RAPGEF2: variants seen among roughly 807,000 people sequenced by gnomAD.
The protein encoded by RAPGEF2 is Rap guanine nucleotide exchange factor 2.
A neutral mutation model predicts 186.7 loss-of-function variants in RAPGEF2; 54 were observed. That is an observed-to-expected ratio of 0.29 (90% CI 0.23 to 0.36). The LOEUF (loss-of-function observed/expected upper bound fraction) is 0.36. Ranked by LOEUF, RAPGEF2 falls within the 10% of genes least tolerant of loss-of-function variation. The probability of loss-of-function intolerance (pLI) is 1.00; values close to 1 mark genes in which losing one functional copy is unlikely to be tolerated. For missense variants in RAPGEF2, 1,532 were observed against 2,045.0 expected, an observed-to-expected ratio of 0.75 and a Z score of 4.84; for synonymous variants, 712 against 705.9, an observed-to-expected ratio of 1.01 and a Z score of -0.14.
At chr4:159,245,652 A>G (rs1754542146) in intron 7 of RAPGEF2, among the ~76,000 whole-genome samples, 1 of 152,066 alleles carries the variant, frequency 6.6e-6, no homozygotes, top group South Asian at 2.1e-4. Flanking sequence ...TCTGAATTCC[A>G]TATTAAAAAT....
At chr4:159,295,754 T>C (rs10024829) in intron 7 of RAPGEF2, among the ~76,000 whole-genome samples, 33,576 of 112,586 alleles carry the variant, frequency 0.3, 4,619 homozygotes, top group Non-Finnish European at 0.39. Flanking sequence ...TGTGTGTGTG[T>C]GCGCGCGCGC....
At chr4:159,213,409 G>C (rs1210451740) in intron 4 of RAPGEF2, among the ~76,000 whole-genome samples, 2 of 152,216 alleles carry the variant, frequency 1.3e-5, no homozygotes, top group East Asian at 1.9e-4. Context: ...TTGGTTATCA[G>C]TATATAATAA....
chr4:159,105,762 G>A (rs1737800751), intron 1 of RAPGEF2, among the ~76,000 whole-genome samples: 1 of 152,204 alleles, frequency 6.6e-6, no homozygotes, highest in Non-Finnish European at 1.5e-5. Context: ...CAGTGTGAAG[G>A]AAAAGCAGAT....
At chr4:159,237,370 A>G (rs1018604702) in intron 4 of RAPGEF2, among the ~76,000 whole-genome samples, 1 of 152,176 alleles carries the variant, frequency 6.6e-6, no homozygotes, top group African/African-American at 2.4e-5. Context: ...TCAGATAATT[A>G]TTATTAAGGA....
intron 9 of RAPGEF2, among the ~76,000 whole-genome samples, chr4:159,319,010 G>C (rs998411346): frequency 1.3e-5 from 2 of 152,042 alleles, no homozygotes; most frequent in African/African-American, 4.8e-5. Flanking sequence ...AAAGAAAATT[G>C]TCCTGTTTCT....
intron 1 of RAPGEF2, among the ~76,000 whole-genome samples, chr4:159,130,044 A>T (rs1490107098): frequency 6.6e-6 from 1 of 152,192 alleles, no homozygotes; most frequent in Non-Finnish European, 1.5e-5. Flanking sequence ...ATTTTAGACC[A>T]TACAGGGAAA....
At chr4:159,154,594 A>C (rs1743919774) in intron 1 of RAPGEF2, among the ~76,000 whole-genome samples, 1 of 152,066 alleles carries the variant, frequency 6.6e-6, no homozygotes, top group Admixed American at 6.6e-5. Context: ...TTTAAGATCA[A>C]ATGGTTAGTG....
At chr4:159,229,017 C>T (rs1369917145) in intron 4 of RAPGEF2, among the ~76,000 whole-genome samples, 1 of 151,998 alleles carries the variant, frequency 6.6e-6, no homozygotes, top group African/African-American at 2.4e-5. Context: ...TTTTGTAAGT[C>T]CTAAACAAAT....
At chr4:159,104,795 C>T (rs1737697250) in intron 1 of RAPGEF2, among the ~76,000 whole-genome samples, 1 of 152,142 alleles carries the variant, frequency 6.6e-6, no homozygotes, top group Non-Finnish European at 1.5e-5. Flanking sequence ...TCCATGCTGA[C>T]CTTCAGTAAA....
chr4:159,280,794 T>A (rs1341491009), intron 7 of RAPGEF2, among the ~76,000 whole-genome samples: 2 of 152,232 alleles, frequency 1.3e-5, no homozygotes, highest in Non-Finnish European at 2.9e-5. Context: ...AGCATTTTAA[T>A]AAGCATATTT....
intron 4 of RAPGEF2, among the ~76,000 whole-genome samples, chr4:159,215,986 G>A (rs1458957174): frequency 1.3e-5 from 2 of 152,214 alleles, no homozygotes; most frequent in South Asian, 2.1e-4. Flanking sequence ...TACTACAAGT[G>A]TGTTAAGAAA....
chr4:159,199,125 G>A (rs1749126910), intron 3 of RAPGEF2, among the ~76,000 whole-genome samples: 1 of 147,832 alleles, frequency 6.8e-6, no homozygotes, highest in South Asian at 2.1e-4. Context: ...CATCTTTAAA[G>A]ACTTAGCCTT....
chr4:159,163,965 T>TC (rs1443964779), intron 1 of RAPGEF2, among the ~76,000 whole-genome samples: 2 of 152,126 alleles, frequency 1.3e-5, no homozygotes, highest in African/African-American at 4.8e-5. Flanking sequence ...GACTTCAAAG[T>TC]TTGTTGGGTA....
In RAPGEF2 at chr4:159,205,648, T is replaced by A. The variant is rs567048055; in HGVS notation, c.198-4852T>A. On this transcript the variant is annotated intron_variant, in intron 3 of 29. Coordinates refer to ENST00000691494, the MANE Select transcript of RAPGEF2 (RefSeq NM_001394067.2). ...TGATAGTGGATGAGTGTTCATGAGA[T>A]CTGGTGGTTTAAACATGTGTAGCAC... is the stretch of plus-strand genomic sequence containing the variant. 3.3e-5 allele frequency among the ~76,000 whole-genome samples: 5 copies of A among 152,276 alleles called. No individual in the cohort carries two copies. The South Asian group carries it at 1.0e-3, about 32-fold the overall frequency.
At chr4:159,342,335 G>A (rs17038045) in intron 20 of RAPGEF2, among the ~76,000 whole-genome samples, 5,069 of 151,854 alleles carry the variant, frequency 0.033, 197 homozygotes, top group African/African-American at 0.093. Context: ...TGTAATGTGT[G>A]TGGAGTTCCA....
chr4:159,293,157 A>G (rs1392775327), intron 7 of RAPGEF2, among the ~76,000 whole-genome samples: 1 of 151,050 alleles, frequency 6.6e-6, no homozygotes, highest in Non-Finnish European at 1.5e-5. Context: ...TGAAGATGAT[A>G]TAATTAAAAT....
At position 159,356,010 on chromosome 4, in the gene RAPGEF2, C is replaced by G. The variant is rs759364430; in HGVS notation, c.4809C>G (p.Ser1603=). The G allele has an allele frequency of 1.2e-6, 2 of 1,613,806 alleles. No homozygotes were observed. Among genetic ancestry groups the G allele is most frequent in the Non-Finnish European group, 1.7e-6 (2 of 1,179,950 alleles). The part of the protein sequence containing the change: ...LQRSRMVARS[S]DTAGPSSVQQ... ...GATCGCGGATGGTCGCACGATCCTC[C>G]GACACAGCTGGGCCTTCATCCGTAC... The change falls in exon 29 of 30, where the codon TCC becomes TCG. Residue 1603 remains serine, a synonymous_variant. Coordinates refer to ENST00000691494, the MANE Select transcript of RAPGEF2 (RefSeq NM_001394067.2).
chr4:159,107,231 G>A (rs188842649), intron 1 of RAPGEF2, among the ~76,000 whole-genome samples: 24 of 152,214 alleles, frequency 1.6e-4, no homozygotes, highest in Admixed American at 7.2e-4. Flanking sequence ...TGAAAAACAG[G>A]ACTCTTAAGT....
chr4:159,355,763 G>A (rs745963326), intron 28 of RAPGEF2, 90 bp from the exon 29 acceptor site: 1 of 1,197,788 alleles, frequency 8.3e-7, no homozygotes, highest in Non-Finnish European at 1.2e-6. Context: ...GCTACACTGT[G>A]GATGCTGTTT....
Sources: allele counts gnomAD v4.1 joint callset (sites outside exome capture counted in the v4.1 genomes callset), GRCh38; gene constraint gnomAD v4.1.1; transcripts MANE v1.5; gene names NCBI Gene and HGNC (gene_info 2026-07-23, HGNC 2026-07-21).